The following PPP4R4 variants were observed in gnomAD, a reference collection of about 807,000 sequenced individuals.
PPP4R4 encodes the protein protein phosphatase 4 regulatory subunit 4.
In PPP4R4, 70 loss-of-function variants were observed where a neutral mutation model predicts 121.8. The ratio of observed to expected loss-of-function variants is 0.57; its 90% CI spans 0.47 to 0.70. The LOEUF (loss-of-function observed/expected upper bound fraction) is 0.70. PPP4R4 is among the 30% of genes least tolerant of loss of function. PPP4R4 has a pLI of 0.00. For missense variants in PPP4R4, 875 were observed against 1,033.6 expected (o/e 0.85, Z 2.10); for synonymous variants, 348 against 355.7 (o/e 0.98, Z 0.24).
At chr14:94,204,718 C>T (rs1436721388) in intron 2 of PPP4R4, among the ~76,000 whole-genome samples, 1 of 152,086 alleles carries the variant, frequency 6.6e-6, no homozygotes, top group Non-Finnish European at 1.5e-5. Flanking sequence ...GTGTGCCTCT[C>T]TGATTGCTTA....
chr14:94,224,793 T>C (rs1051480417), intron 3 of PPP4R4, among the ~76,000 whole-genome samples: 24 of 152,088 alleles, frequency 1.6e-4, no homozygotes, highest in African/African-American at 5.6e-4. Flanking sequence ...ACAGATTACA[T>C]TTAAAGTCGT....
rs75088800 is a variant in PPP4R4 at position 94,184,480 on chromosome 14, A to T, written c.191+8353A>T. Among the ~76,000 whole-genome samples, 479 of 151,874 alleles carry T rather than the reference A, an allele frequency of 3.2e-3. 2 individuals carry two copies. Among genetic ancestry groups the T allele is most frequent in the African/African-American group, 0.011 (463 of 41,362 alleles). On this transcript the variant is annotated intron_variant, in intron 2 of 24. Transcript: ENST00000304338. Reference sequence around the variant, plus strand: ...TGCTCTATTGCCCAGTCTTGTCTTGAACTCCTGGCCTCAAGTGATCCACCT... The same window carrying T: ...TGCTCTATTGCCCAGTCTTGTCTTGTACTCCTGGCCTCAAGTGATCCACCT...
At chr14:94,268,495 A>G (rs1316925215) in intron 23 of PPP4R4, among the ~76,000 whole-genome samples, 1 of 152,234 alleles carries the variant, frequency 6.6e-6, no homozygotes, top group Non-Finnish European at 1.5e-5. Flanking sequence ...GAGAGTAGAT[A>G]TGGTCCACAG....
intron 11 of PPP4R4, 139 bp from the exon 12 acceptor site, chr14:94,244,496 A>G (rs565356563): frequency 6.1e-5 from 41 of 670,424 alleles, no homozygotes; most frequent in Non-Finnish European, 8.4e-5. Flanking sequence ...TTTTTATAGA[A>G]TCTAATTTTA....
chr14:94,182,722 G>C (rs1223241251), intron 2 of PPP4R4, among the ~76,000 whole-genome samples: 1 of 152,094 alleles, frequency 6.6e-6, no homozygotes, highest in Non-Finnish European at 1.5e-5. Flanking sequence ...GAATAATGCT[G>C]TTATAATCAT....
At chr14:94,239,362 C>T (rs1458068342) in intron 8 of PPP4R4, among the ~76,000 whole-genome samples, 11 of 121,928 alleles carry the variant, frequency 9.0e-5, no homozygotes, top group Admixed American at 7.5e-4. Context: ...CCCCACCCCA[C>T]GACAGGCCCC....
chr14:94,257,411 T>C (rs1893532023), intron 17 of PPP4R4, among the ~76,000 whole-genome samples: 1 of 152,104 alleles, frequency 6.6e-6, no homozygotes, highest in African/African-American at 2.4e-5. Context: ...GAGGGAAATT[T>C]CCTTATTAGT....
chr14:94,217,999 G>GA lies in PPP4R4; in HGVS notation c.294+9442dup, dbSNP rs904155130. ...ACAAGAGCAAAACACTGTCTCAAAT[G>GA]AAAAAAAAATGCTAGAAATAAAAAA... On this transcript the variant is annotated intron_variant, in intron 3 of 24. Coordinates refer to ENST00000304338, the MANE Select transcript of PPP4R4 (RefSeq NM_058237.2). 3.6e-4 allele frequency among the ~76,000 whole-genome samples: 54 copies of GA among 149,980 alleles called. No homozygotes were observed. The East Asian group carries it at 3.7e-3, about 10-fold the overall frequency.
chr14:94,177,264 T>C (rs1888727823), intron 2 of PPP4R4, among the ~76,000 whole-genome samples: 1 of 152,218 alleles, frequency 6.6e-6, no homozygotes, highest in South Asian at 2.1e-4. Flanking sequence ...GATGTTATTT[T>C]CCCCCCTCTT....
intron 11 of PPP4R4, among the ~76,000 whole-genome samples, chr14:94,242,639 C>T (rs1432959378): frequency 1.3e-5 from 2 of 152,082 alleles, no homozygotes; most frequent in African/African-American, 4.8e-5. Flanking sequence ...ATTCATTCAG[C>T]ATATCTATAC....
In PPP4R4 at chr14:94,174,567, C is replaced by A; in HGVS notation, c.102C>A (p.Val34=). 1.2e-6 allele frequency: 2 copies of A among 1,611,812 alleles called. No homozygotes were observed. Among genetic ancestry groups the A allele is most frequent in the Non-Finnish European group, 1.7e-6 (2 of 1,179,092 alleles). Residue 34 remains valine, a synonymous_variant, in exon 1 of 25, where the codon GTC becomes GTA. Transcript: ENST00000304338. ...AGCTCACCATCATCGAGAGGCCGGT[C>A]CGCCGGAGCCTCAAGGTGCGCCCCG... The part of the protein sequence containing the change: ...LQELTIIERP[V]RRSLKTPEEI...
In PPP4R4 at chr14:94,241,850, G is replaced by A. The variant is rs1167953680; in HGVS notation, c.1039G>A (p.Gly347Ser). 2 of 1,609,264 alleles carry A rather than the reference G, an allele frequency of 1.2e-6. No homozygotes were observed. The highest frequency in any genetic ancestry group is 1.7e-6 in the Non-Finnish European group (2 of 1,177,850). The change falls in exon 10 of 25, where the codon GGT becomes AGT. Residue 347 changes from glycine (G) to serine (S), a missense_variant. Coordinates refer to ENST00000304338, the MANE Select transcript of PPP4R4 (RefSeq NM_058237.2). ...LEFYKKLCTLGLQQENGHNEN... is the reference protein window; with the variant it reads ...LEFYKKLCTLSLQQENGHNEN... ...ATTTTATAAGAAACTTTGTACATTG[G>A]GTTTGCAACAAGAAAATGGACACAA...
intron 2 of PPP4R4, among the ~76,000 whole-genome samples, chr14:94,202,820 A>C (rs1185836444): frequency 6.6e-6 from 1 of 152,002 alleles, no homozygotes; most frequent in South Asian, 2.1e-4. Flanking sequence ...CTACTAAAAA[A>C]TAAAAACAAA....
intron 23 of PPP4R4, 44 bp from the exon 24 acceptor site, chr14:94,275,330 G>A: frequency 1.3e-6 from 2 of 1,598,256 alleles, no homozygotes; most frequent in Non-Finnish European, 1.7e-6. Context: ...TACCCTCTTT[G>A]TTAGTATATT....
chr14:94,237,868 G>A (rs995872879), intron 8 of PPP4R4, among the ~76,000 whole-genome samples, 182 bp downstream of exon 8: 9 of 152,038 alleles, frequency 5.9e-5, no homozygotes, highest in Non-Finnish European at 1.2e-4. Context: ...TCATGGTGTC[G>A]TAGTCCATTT....
chr14:94,184,980 G>T (rs1445862653), intron 2 of PPP4R4, among the ~76,000 whole-genome samples: 1 of 152,294 alleles, frequency 6.6e-6, no homozygotes, highest in Admixed American at 6.5e-5. Flanking sequence ...TATACTAGCA[G>T]ATACTTGTAT....
intron 2 of PPP4R4, among the ~76,000 whole-genome samples, chr14:94,182,244 A>G (rs867107968): frequency 6.6e-6 from 1 of 152,200 alleles, no homozygotes; most frequent in Middle Eastern, 3.2e-3. Context: ...CAGTTAAAGA[A>G]GTACTTTCAT....
At chr14:94,271,066 A>T (rs1179628911) in intron 23 of PPP4R4, among the ~76,000 whole-genome samples, 1 of 152,196 alleles carries the variant, frequency 6.6e-6, no homozygotes, top group Middle Eastern at 3.2e-3. Context: ...TCTAGCCCAG[A>T]TGGGTTCACT....
chr14:94,243,774 A>T (rs976284030), intron 11 of PPP4R4, among the ~76,000 whole-genome samples: 4 of 144,342 alleles, frequency 2.8e-5, no homozygotes, highest in Admixed American at 1.4e-4. Flanking sequence ...GCTAGTGTAA[A>T]TTTTTTTTTT....
Sources: gnomAD v4.1 joint callset for allele counts (sites outside exome capture counted in the v4.1 genomes callset) on GRCh38, gnomAD v4.1.1 for gene constraint, MANE v1.5 for transcripts, NCBI Gene and HGNC (gene_info 2026-07-23, HGNC 2026-07-21) for gene names.